The following DCAF15 variants were observed in gnomAD, a reference collection of about 807,000 sequenced individuals.
DCAF15 encodes the protein DDB1- and CUL4-associated factor 15.
Under a neutral mutation model 68.0 loss-of-function variants are expected in DCAF15, and 24 were observed. That is an observed-to-expected ratio of 0.35 (90% CI 0.26 to 0.50). DCAF15 has a LOEUF of 0.50. Ranked by LOEUF, DCAF15 falls within the 20% of genes least tolerant of loss-of-function variation. The probability of loss-of-function intolerance (pLI) is 0.98; values close to 1 mark genes in which losing one functional copy is unlikely to be tolerated. For missense variants in DCAF15, 627 were observed against 830.6 expected (o/e 0.75, Z 3.01); for synonymous variants, 376 against 341.6 (o/e 1.10, Z -1.11).
rs761076065 is a variant in DCAF15 at position 13,954,659 on chromosome 19, C to T, written c.364C>T (p.Leu122=). The part of the protein sequence containing the change: ...WEFNVHSKLK[L]VRQVRLFQDE... The stretch of plus-strand genomic sequence containing the variant: ...GTTCAACGTTCACAGCAAGCTCAAG[C>T]TGGTAGGGAGGCTTCAACACCAGGC... The change falls in exon 3 of 13, where the codon CTG becomes TTG. Residue 122 remains leucine, a splice_region_variant and synonymous_variant. Transcript: ENST00000254337. 6.2e-7 allele frequency: 1 copy of T among 1,614,138 alleles called. No homozygotes were observed. The highest frequency in any genetic ancestry group is 1.1e-5 in the South Asian group (1 of 91,086).
In DCAF15 at chr19:13,954,258, AGCCGCTCT is replaced by A. The variant is rs1973237836; in HGVS notation, c.133-78_133-71del. 3.4e-5 allele frequency: 42 copies of A among 1,239,724 alleles called. No homozygotes were observed. In the South Asian group the frequency reaches 4.7e-4, roughly 14 times the overall value. 76.8% of individuals were successfully genotyped at this position (1,239,724 alleles called of 1,614,324 possible). A position where few individuals can be genotyped will look rare whatever the true frequency, so the allele number is the denominator to read the frequency against. On this transcript the variant is annotated intron_variant, in intron 1 of 12. Coordinates refer to ENST00000254337, the MANE Select transcript of DCAF15 (RefSeq NM_138353.4). Reference sequence around the variant, plus strand: ...GCTGGGCCGGTCTGGACCCGGTGAGAGCCGCTCTGCCTCTCTGCCGTGGGTGAGGGGGC... The same window carrying A: ...GCTGGGCCGGTCTGGACCCGGTGAGAGCCTCTCTGCCGTGGGTGAGGGGGC...
chr19:13,952,651 C>G lies in DCAF15; in HGVS notation c.132+7C>G. On this transcript the variant is annotated splice_region_variant and intron_variant, in intron 1 of 12. Coordinates refer to ENST00000254337, the MANE Select transcript of DCAF15 (RefSeq NM_138353.4). ...GCAGCTGGAGCGGGTCAAGGTGAGG[C>G]CTGGAGCCGGAGTGGGGAGCGCGCC... 1 of 1,291,218 alleles carries G rather than the reference C, an allele frequency of 7.7e-7. No homozygotes were observed. Among genetic ancestry groups the G allele is most frequent in the Non-Finnish European group, 9.8e-7 (1 of 1,018,236 alleles). The allele number at this position is 1,291,218 out of a possible 1,614,324, so 80.0% of individuals were successfully genotyped here.
rs1973271851 is a variant in DCAF15 at position 13,954,639 on chromosome 19, A to G, written c.344A>G (p.Asn115Ser). 6.2e-7 allele frequency: 1 copy of G among 1,614,172 alleles called. No homozygotes were observed. Reference protein sequence around the residue: ...YIYHLYWWEFNVHSKLKLVRQ... With the variant: ...YIYHLYWWEFSVHSKLKLVRQ... ...TACCATCTGTACTGGTGGGAGTTCA[A>G]CGTTCACAGCAAGCTCAAGCTGGTA... Residue 115 changes from asparagine (N) to serine (S), a missense_variant, in exon 3 of 13, where the codon AAC (asparagine) becomes AGC (serine). By Grantham distance (46) the Asn-to-Ser change is conservative. This residue lies in a region of DCAF15 where 273 missense variants were observed against 393.7 expected (regional missense o/e 0.69). Transcript: ENST00000254337.
At chr19:13,954,738 T>A (rs1401945370) in intron 3 of DCAF15, 77 bp downstream of exon 3, 1 of 1,507,880 alleles carries the variant, frequency 6.6e-7, no homozygotes, top group Non-Finnish European at 9.2e-7. Flanking sequence ...GAGCCTCAGG[T>A]TCCTTGGGTG....
chr19:13,956,132 G>A lies in DCAF15; in HGVS notation c.483G>A (p.Ser161=), dbSNP rs770057140. The A allele has an allele frequency of 1.4e-5, 23 of 1,609,082 alleles. No homozygotes were observed. The highest frequency in any genetic ancestry group is 8.4e-5 in the Admixed American group (5 of 59,220). ...KVIVFGFNTR[S]ANGMLMNMMM... is the part of the protein sequence containing the mutation. ...GTATGCTGGCCCCCAGCACCCGCTC[G>A]GCCAACGGGATGCTCATGAACATGA... The change falls in exon 5 of 13, where the codon TCG becomes TCA. Residue 161 remains serine, a synonymous_variant. Coordinates refer to ENST00000254337, the MANE Select transcript of DCAF15 (RefSeq NM_138353.4).
chr19:13,954,801 A>G, intron 3 of DCAF15, 140 bp downstream of exon 3: 1 of 956,270 alleles, frequency 1.0e-6, no homozygotes, highest in Non-Finnish European at 1.6e-6. Context: ...CATGTGTTAG[A>G]TCCAACCATA....
chr19:13,959,909 G>GGGCAGGGTGGGCCCAGGGCC lies in DCAF15; in HGVS notation c.1440+15_1440+34dup. On this transcript the variant is annotated intron_variant, in intron 9 of 12. Coordinates refer to ENST00000254337, the MANE Select transcript of DCAF15 (RefSeq NM_138353.4). ...GTCATTCTGGAGGTGGGCCCAGGGC[G>GGGCAGGGTGGGCCCAGGGCC]GGCAGGGTGGGCCCAGGGCCTCCTG... 2 of 1,610,526 alleles carry GGGCAGGGTGGGCCCAGGGCC rather than the reference G, an allele frequency of 1.2e-6. No individual in the cohort carries two copies. The highest frequency in any genetic ancestry group is 8.5e-7 in the Non-Finnish European group (1 of 1,178,510).
At position 13,954,562 on chromosome 19, in the gene DCAF15, C is replaced by T. The variant is rs777383762; in HGVS notation, c.267C>T (p.Tyr89=). 40 of 1,614,108 alleles carry T rather than the reference C, an allele frequency of 2.5e-5. No homozygotes were observed. The highest frequency in any genetic ancestry group is 2.1e-4 in the African/African-American group (16 of 74,948). The part of the protein sequence containing the change: ...IFLGFSKCGR[Y]VLSYTSSSGD... ...TGGGCTTTTCCAAATGCGGCCGCTACGTCCTCTCCTACACCAGCAGCAGTG... is the reference window on the plus strand; with the variant it reads ...TGGGCTTTTCCAAATGCGGCCGCTATGTCCTCTCCTACACCAGCAGCAGTG... The change falls in exon 3 of 13, where the codon TAC becomes TAT. Residue 89 remains tyrosine (Y), a synonymous_variant. Coordinates refer to ENST00000254337, the MANE Select transcript of DCAF15 (RefSeq NM_138353.4).
At position 13,961,058 on chromosome 19, in the gene DCAF15, T is replaced by C. The variant is rs995882296; in HGVS notation, c.*63T>C. The C allele has an allele frequency of 1.3e-6, 2 of 1,599,430 alleles. No homozygotes were observed. Among genetic ancestry groups the C allele is most frequent in the African/African-American group, 2.7e-5 (2 of 74,610 alleles). On this transcript the variant is annotated 3_prime_UTR_variant, in exon 13 of 13. Transcript: ENST00000254337. ...CGTGGCCTGGGACCGGCCCCCTTCC[T>C]GGGGTGGCCTCTTCCTGGCCGGCTG... is the stretch of plus-strand genomic sequence containing the variant.
chr19:13,960,028 G>A lies in DCAF15; in HGVS notation c.1485G>A (p.Leu495=), dbSNP rs770413190. 2 of 1,613,806 alleles carry A rather than the reference G, an allele frequency of 1.2e-6. No homozygotes were observed. Among genetic ancestry groups the A allele is most frequent in the East Asian group, 2.2e-5 (1 of 44,870 alleles). Residue 495 remains leucine, a synonymous_variant, in exon 10 of 13, where the codon CTG becomes CTA. Transcript: ENST00000254337. The stretch of plus-strand genomic sequence containing the variant: ...AGGTCCTCATCAACATTGGCCTGCT[G>A]CTCCTGGCCTTCCCGTCCCCCACTG... ...TNQVLINIGL[L]LLAFPSPTEE...
At chr19:13,953,170 T>A in intron 1 of DCAF15, 1 of 1,524,954 alleles carries the variant, frequency 6.6e-7, no homozygotes. Context: ...TAGGGCTGAG[T>A]CTTCCCCCGC....
intron 3 of DCAF15, 151 bp downstream of exon 3, chr19:13,954,812 T>A (rs1568448423): frequency 2.2e-6 from 2 of 916,404 alleles, no homozygotes; most frequent in Non-Finnish European, 3.3e-6. Context: ...TCCAACCATA[T>A]GAAATTACCA....
At chr19:13,955,396 A>G (rs550531121) in intron 3 of DCAF15, among the ~76,000 whole-genome samples, 55 of 152,316 alleles carry the variant, frequency 3.6e-4, no homozygotes, top group Admixed American at 3.3e-3. Context: ...ACTCCAGTCT[A>G]CAGAGCAAGA....
chr19:13,953,242 G>A (rs550391254), intron 1 of DCAF15: 1 of 1,110,988 alleles, frequency 9.0e-7, no homozygotes, highest in Admixed American at 3.0e-5. Flanking sequence ...CCCAGAGCTG[G>A]GGGATGATGT....
chr19:13,957,734 C>T (rs1973426955), intron 6 of DCAF15, among the ~76,000 whole-genome samples: 1 of 152,076 alleles, frequency 6.6e-6, no homozygotes, highest in Admixed American at 6.6e-5. Context: ...CACGGTGAAA[C>T]CCCATCTCTA....
At position 13,959,168 on chromosome 19, in the gene DCAF15, C is replaced by T; in HGVS notation, c.908C>T (p.Ala303Val). 5 of 1,612,564 alleles carry T rather than the reference C, an allele frequency of 3.1e-6. No individual in the cohort carries two copies. The highest frequency in any genetic ancestry group is 1.6e-4 in the Middle Eastern group (1 of 6,062). Residue 303 changes from alanine (A) to valine (V), a missense_variant, in exon 7 of 13, where the codon GCC (alanine) becomes GTC (valine). Around this residue, in one of 3 missense-constraint regions of DCAF15, gnomAD observed 236 missense variants for 225.1 expected, o/e 1.05. Transcript: ENST00000254337. ...PALPSFCPEA[A>V]PARSSGSPEP... ...CTCCCCAGCTTCTGCCCTGAGGCGG[C>T]CCCAGCCCGTTCTTCTGGGTCTCCT...
chr19:13,959,327 G>A lies in DCAF15; in HGVS notation c.1067G>A (p.Arg356His), dbSNP rs534533788. 1.0e-4 allele frequency: 160 copies of A among 1,606,588 alleles called. No homozygotes were observed. The highest frequency in any genetic ancestry group is 1.3e-4 in the Non-Finnish European group (148 of 1,179,734). ...CCAGGACCCTCTGGCAGCCGCTGCC[G>A]TGCGCACTCTGAGCCCCTAGCCCTG... ...LCPGPSGSRCRAHSEPLALCG... is the reference protein window; with the variant it reads ...LCPGPSGSRCHAHSEPLALCG... The change falls in exon 7 of 13, where the codon CGT (arginine) becomes CAT (histidine). Residue 356 changes from arginine to histidine, a missense_variant. Around this residue, in one of 3 missense-constraint regions of DCAF15, gnomAD observed 236 missense variants for 225.1 expected, o/e 1.05. Coordinates refer to ENST00000254337, the MANE Select transcript of DCAF15 (RefSeq NM_138353.4).
intron 6 of DCAF15, among the ~76,000 whole-genome samples, chr19:13,956,846 C>T (rs1373289649): frequency 6.6e-6 from 1 of 152,226 alleles, no homozygotes; most frequent in Non-Finnish European, 1.5e-5. Flanking sequence ...ACTGCAACCT[C>T]CCAGGCTCAA....
intron 8 of DCAF15, 31 bp downstream of exon 8, chr19:13,959,704 A>C: frequency 2.5e-6 from 4 of 1,612,396 alleles, no homozygotes; most frequent in Non-Finnish European, 3.4e-6. Flanking sequence ...GGCCAAGGAC[A>C]GTCCCGGGGA....
Sources: gnomAD v4.1 joint callset for allele counts (sites outside exome capture counted in the v4.1 genomes callset) on GRCh38, gnomAD v4.1.1 for gene constraint, gnomAD v4.1.1 regional missense constraint, MANE v1.5 for transcripts, NCBI Gene and HGNC (gene_info 2026-07-23, HGNC 2026-07-21) for gene names.